LRMDA: variants seen among roughly 807,000 people sequenced by gnomAD.
LRMDA encodes the protein leucine rich melanocyte differentiation associated, also known as leucine-rich melanocyte differentiation-associated protein.
In LRMDA, 18 loss-of-function variants were observed where a neutral mutation model predicts 29.8. The observed-to-expected ratio is 0.60, with a 90% CI of 0.42 to 0.90. LRMDA has a LOEUF of 0.90. Among genes scored for constraint, LRMDA ranks in the 40% least tolerant of loss-of-function variants. LRMDA has a pLI of 0.00. For missense variants in LRMDA, 273 were observed against 273.9 expected, an observed-to-expected ratio of 1.00 and a Z score of 0.02; for synonymous variants, 125 against 109.4, an observed-to-expected ratio of 1.14 and a Z score of -0.89.
chr10:75,565,813 G>T (rs953988365), intron 2 of LRMDA, among the ~76,000 whole-genome samples: 1 of 152,228 alleles, frequency 6.6e-6, no homozygotes, highest in African/African-American at 2.4e-5. Context: ...AATGGCTCAT[G>T]CCTGTAATGC....
intron 5 of LRMDA, among the ~76,000 whole-genome samples, chr10:76,192,941 A>C (rs190240491): frequency 1.0e-3 from 157 of 152,384 alleles, no homozygotes; most frequent in Non-Finnish European, 1.3e-3. Flanking sequence ...TCTGTGACTC[A>C]TAATGCCTTA....
At chr10:75,839,863 C>A (rs529036984) in intron 2 of LRMDA, among the ~76,000 whole-genome samples, 1 of 152,008 alleles carries the variant, frequency 6.6e-6, no homozygotes, top group Non-Finnish European at 1.5e-5. Context: ...CGCCCGCCAC[C>A]GCGCCCGGCT....
chr10:75,841,356 T>G (rs1042627183), intron 2 of LRMDA, among the ~76,000 whole-genome samples: 1 of 152,136 alleles, frequency 6.6e-6, no homozygotes, highest in African/African-American at 2.4e-5. Context: ...AGGAATGCTA[T>G]GTTTTGTCTG....
chr10:76,347,392 T>G (rs11001742), intron 6 of LRMDA, among the ~76,000 whole-genome samples: 1 of 152,084 alleles, frequency 6.6e-6, no homozygotes, highest in African/African-American at 2.4e-5. Context: ...TCATGGACAG[T>G]CCCTTTGGTT....
At chr10:75,682,552 A>G (rs1009378681) in intron 2 of LRMDA, among the ~76,000 whole-genome samples, 15 of 152,154 alleles carry the variant, frequency 9.9e-5, no homozygotes, top group Non-Finnish European at 1.2e-4. Flanking sequence ...ATTATATAGT[A>G]TATGTACTTA....
intron 5 of LRMDA, among the ~76,000 whole-genome samples, chr10:76,129,574 G>T (rs1003073549): frequency 2.0e-5 from 3 of 152,116 alleles, no homozygotes; most frequent in African/African-American, 7.2e-5. Flanking sequence ...GAGTGGGGGT[G>T]GGTTCTAAGA....
intron 2 of LRMDA, among the ~76,000 whole-genome samples, chr10:75,877,178 T>C (rs1845212366): frequency 6.6e-6 from 1 of 152,220 alleles, no homozygotes; most frequent in South Asian, 2.1e-4. Context: ...CCTTTCATGA[T>C]GCATGACCAG....
At chr10:76,048,404 GA>G (rs1292030591) in intron 4 of LRMDA, among the ~76,000 whole-genome samples, 1 of 152,160 alleles carries the variant, frequency 6.6e-6, no homozygotes, top group Non-Finnish European at 1.5e-5. Context: ...AGGAAAAGAA[GA>G]GCTAAGAAAA....
At chr10:75,628,992 T>C (rs1038101336) in intron 2 of LRMDA, among the ~76,000 whole-genome samples, 2 of 152,202 alleles carry the variant, frequency 1.3e-5, no homozygotes, top group African/African-American at 2.4e-5. Context: ...ATTTTTAATG[T>C]CTCCCCTTCT....
chr10:76,529,871 A>C (rs963754659), intron 6 of LRMDA, among the ~76,000 whole-genome samples: 1 of 152,144 alleles, frequency 6.6e-6, no homozygotes, highest in South Asian at 2.1e-4. Flanking sequence ...GTACAGTAGT[A>C]TGAGAATCCT....
Position 75,904,950 on chromosome 10 carries a change from G to T in LRMDA, c.132-131058G>T, listed in dbSNP as rs974777428. 2.0e-5 allele frequency among the ~76,000 whole-genome samples: 3 copies of T among 152,264 alleles called. 1 individual carries two copies. The South Asian group carries it at 6.2e-4, about 32-fold the overall frequency. ...GAGAGTGTTGATAACTTGAGACAAG[G>T]TTTAACTAGGAAGTAGTGAGACAGT... On this transcript the variant is annotated intron_variant, in intron 2 of 6. Coordinates refer to ENST00000611255, the MANE Select transcript of LRMDA (RefSeq NM_001305581.2).
intron 6 of LRMDA, among the ~76,000 whole-genome samples, chr10:76,409,240 A>G (rs12774067): frequency 0.037 from 5,608 of 152,140 alleles, 174 homozygotes; most frequent in Non-Finnish European, 0.054. Flanking sequence ...GTAGTTTGAC[A>G]TTTTTCTGCA....
intron 2 of LRMDA, among the ~76,000 whole-genome samples, chr10:75,540,365 C>T (rs1427102148): frequency 6.6e-6 from 1 of 152,156 alleles, no homozygotes; most frequent in Non-Finnish European, 1.5e-5. Context: ...GGGCATGCTC[C>T]AAGTTTGGGG....
intron 2 of LRMDA, chr10:75,782,738 C>T: frequency 7.4e-7 from 1 of 1,343,154 alleles, no homozygotes; most frequent in Non-Finnish European, 9.6e-7. Context: ...GGCGAAACTG[C>T]AAGCAGATGC....
chr10:76,185,420 A>C (rs1851130245), intron 5 of LRMDA, among the ~76,000 whole-genome samples: 1 of 152,222 alleles, frequency 6.6e-6, no homozygotes, highest in African/African-American at 2.4e-5. Flanking sequence ...ATGAATGATA[A>C]TACTTGGTAT....
intron 6 of LRMDA, among the ~76,000 whole-genome samples, chr10:76,528,275 A>G (rs1843199014): frequency 6.6e-6 from 1 of 152,172 alleles, no homozygotes. Context: ...ATCCAACTAG[A>G]TAAGAAAGCT....
chr10:75,949,275 C>A (rs945474185), intron 2 of LRMDA, among the ~76,000 whole-genome samples: 21 of 152,194 alleles, frequency 1.4e-4, no homozygotes, highest in African/African-American at 5.1e-4. Context: ...AGGCATCTCT[C>A]CTGAGAATAC....
intron 2 of LRMDA, among the ~76,000 whole-genome samples, chr10:75,531,096 G>A (rs1162440610): frequency 6.6e-6 from 1 of 152,202 alleles, no homozygotes; most frequent in Non-Finnish European, 1.5e-5. Flanking sequence ...TCTCTTGAGT[G>A]TCTGTGTGTG....
chr10:75,587,134 T>C (rs1840666301), intron 2 of LRMDA, among the ~76,000 whole-genome samples: 1 of 152,130 alleles, frequency 6.6e-6, no homozygotes. Flanking sequence ...CTATTTTGAG[T>C]TGATTTTGTG....
Sources: gnomAD v4.1 joint callset for allele counts (sites outside exome capture counted in the v4.1 genomes callset) on GRCh38, gnomAD v4.1.1 for gene constraint, MANE v1.5 for transcripts, NCBI Gene and HGNC (gene_info 2026-07-23, HGNC 2026-07-21) for gene names.